PTPN21: variants seen among roughly 807,000 people sequenced by gnomAD.
PTPN21 encodes protein tyrosine phosphatase non-receptor type 21.
In PTPN21, 77 loss-of-function variants were observed where a neutral mutation model predicts 131.8. The ratio of observed to expected loss-of-function variants is 0.58; its 90% CI spans 0.49 to 0.71. The LOEUF is 0.71. PTPN21 is among the 30% of genes least tolerant of loss of function. The pLI, the probability that PTPN21 is intolerant of heterozygous loss-of-function variation, is 0.00. For missense variants in PTPN21, 1,552 were observed against 1,527.1 expected, an observed-to-expected ratio of 1.02 and a Z score of -0.27; for synonymous variants, 715 against 621.3, an observed-to-expected ratio of 1.15 and a Z score of -2.24.
intron 8 of PTPN21, among the ~76,000 whole-genome samples, chr14:88,497,872 G>A (rs1272736193): frequency 6.6e-6 from 1 of 151,994 alleles, no homozygotes; most frequent in Non-Finnish European, 1.5e-5. Context: ...GGCCGAGGCA[G>A]GTGGATCACC....
intron 2 of PTPN21, among the ~76,000 whole-genome samples, chr14:88,540,714 G>A (rs1429571217): frequency 2.0e-5 from 3 of 152,156 alleles, no homozygotes; most frequent in Admixed American, 6.5e-5. Flanking sequence ...CCAGGTTAGA[G>A]TGCAGTGGCA....
At chr14:88,477,801 G>C (rs988839585) in intron 13 of PTPN21, among the ~76,000 whole-genome samples, 1 of 152,132 alleles carries the variant, frequency 6.6e-6, no homozygotes, top group Non-Finnish European at 1.5e-5. Flanking sequence ...CTGGAAGCCT[G>C]AGCACTGCAA....
chr14:88,518,386 G>GTATATATATATATATATATATA (rs71126987), intron 2 of PTPN21, among the ~76,000 whole-genome samples: 2 of 9,704 alleles, frequency 2.1e-4, no homozygotes, highest in Non-Finnish European at 4.3e-4. Context: ...GTGTGTGTGT[G>GTATATATATATATATATATATA]TATATATATA....
intron 2 of PTPN21, among the ~76,000 whole-genome samples, chr14:88,522,354 G>A (rs2078407638): frequency 6.6e-6 from 1 of 150,694 alleles, no homozygotes. Flanking sequence ...CTTGAACCCA[G>A]GAGGTGGAAG....
chr14:88,479,246 G>T lies in PTPN21; in HGVS notation c.2185C>A (p.Pro729Thr). The change falls in exon 13 of 19, where the codon CCT becomes ACT. Residue 729 changes from proline (P) to threonine (T), a missense_variant. Around this residue, in one of 4 missense-constraint regions of PTPN21, gnomAD observed 1,016 missense variants for 883.5 expected, o/e 1.15. Coordinates refer to ENST00000556564, the MANE Select transcript of PTPN21 (RefSeq NM_007039.4). ...GGCCGAGGCTCGCGCGCACGTGCAG[G>T]AGGCGCCCGGGCCCCGCTCTCCTCC... Reference protein sequence around the residue: ...FEEESGARAPPARAREPRPGL... With the variant: ...FEEESGARAPTARAREPRPGL... 2 of 1,610,658 alleles carry T rather than the reference G, an allele frequency of 1.2e-6. No homozygotes were observed. The highest frequency in any genetic ancestry group is 1.7e-6 in the Non-Finnish European group (2 of 1,178,460).
At chr14:88,534,953 T>A (rs577886705) in intron 2 of PTPN21, among the ~76,000 whole-genome samples, 1 of 152,312 alleles carries the variant, frequency 6.6e-6, no homozygotes, top group South Asian at 2.1e-4. Context: ...AGTGTCCTAC[T>A]ACTATAGTGC....
chr14:88,509,216 A>C (rs1310497455), intron 3 of PTPN21, among the ~76,000 whole-genome samples: 2 of 152,086 alleles, frequency 1.3e-5, no homozygotes, highest in Non-Finnish European at 2.9e-5. Flanking sequence ...ACTGGGGTCT[A>C]TTATATGTTA....
In PTPN21 at chr14:88,496,285, G is replaced by A; in HGVS notation, c.932+128C>T. 8.8e-6 allele frequency: 7 copies of A among 794,062 alleles called. No homozygotes were observed. The South Asian group carries it at 1.4e-4, about 16-fold the overall frequency. The allele number at this position is 794,062 out of a possible 1,614,324, so 49.2% of individuals were successfully genotyped here. On this transcript the variant is annotated intron_variant, in intron 10 of 18. Transcript: ENST00000556564. Reference sequence around the variant, plus strand: ...ACAAGTTGGTCCAAAGCTAAAATAGGAAAACAGCTATAGGATCAAGAAAAG... The same window carrying A: ...ACAAGTTGGTCCAAAGCTAAAATAGAAAAACAGCTATAGGATCAAGAAAAG...
chr14:88,484,662 C>G (rs1864744), intron 12 of PTPN21, among the ~76,000 whole-genome samples: 56,807 of 151,934 alleles, frequency 0.37, 11,176 homozygotes, highest in African/African-American at 0.5. Flanking sequence ...CCAAATATAC[C>G]TGGATCATCT....
intron 12 of PTPN21, among the ~76,000 whole-genome samples, 165 bp downstream of exon 12, chr14:88,484,911 A>C (rs1022227257): frequency 8.5e-5 from 13 of 152,094 alleles, no homozygotes; most frequent in African/African-American, 3.1e-4. Context: ...AACAAACAAA[A>C]AACAATATAT....
Position 88,500,920 on chromosome 14 carries a change from G to C in PTPN21, c.676-49C>G, listed in dbSNP as rs139139017. 767 of 1,322,432 alleles carry C rather than the reference G, an allele frequency of 5.8e-4. 9 individuals are homozygous for C. In the African/African-American group the frequency reaches 9.5e-3, roughly 16 times the overall value. The allele number at this position is 1,322,432 out of a possible 1,614,324, so 81.9% of individuals were successfully genotyped here. A position where few individuals can be genotyped will look rare whatever the true frequency, so the allele number is the denominator to read the frequency against. On this transcript the variant is annotated intron_variant, in intron 7 of 18. Transcript: ENST00000556564. ...AAACACCCAGGAAGCAGATGCAGAG[G>C]AACTGCTGCTAGAGTTCCCTGGACT...
At chr14:88,485,881 C>G (rs753778960) in intron 10 of PTPN21, 39 bp from the exon 11 acceptor site, 1 of 1,267,608 alleles carries the variant, frequency 7.9e-7, no homozygotes, top group South Asian at 1.3e-5. Flanking sequence ...CACATACACA[C>G]TCTCTCTTAA....
intron 12 of PTPN21, among the ~76,000 whole-genome samples, chr14:88,482,999 T>C (rs1032605138): frequency 1.3e-5 from 2 of 151,730 alleles, no homozygotes; most frequent in Non-Finnish European, 2.9e-5. Flanking sequence ...GATTACGAGG[T>C]CAGGAGATCA....
At chr14:88,548,932 A>AC (rs1407271136) in intron 2 of PTPN21, among the ~76,000 whole-genome samples, 1 of 152,194 alleles carries the variant, frequency 6.6e-6, no homozygotes, top group Non-Finnish European at 1.5e-5. Context: ...AGAGCTTACA[A>AC]CCTTATGCTA....
intron 10 of PTPN21, among the ~76,000 whole-genome samples, chr14:88,492,171 A>G (rs61523530): frequency 0.037 from 5,618 of 152,354 alleles, 351 homozygotes; most frequent in African/African-American, 0.13. Context: ...GAGAAGAAAC[A>G]AACTGAGGTA....
intron 3 of PTPN21, among the ~76,000 whole-genome samples, chr14:88,516,060 T>TA (rs2078263954): frequency 5.9e-5 from 9 of 152,226 alleles, no homozygotes; most frequent in Admixed American, 5.9e-4. Flanking sequence ...ACCAGGTTCT[T>TA]ACTATCTGCA....
At chr14:88,539,583 A>T (rs2078677353) in intron 2 of PTPN21, among the ~76,000 whole-genome samples, 1 of 152,142 alleles carries the variant, frequency 6.6e-6, no homozygotes, top group African/African-American at 2.4e-5. Flanking sequence ...GTAAATAGAC[A>T]ATATCAACAC....
intron 8 of PTPN21, 128 bp downstream of exon 8, chr14:88,500,655 G>A: frequency 1.5e-6 from 1 of 659,318 alleles, no homozygotes; most frequent in Non-Finnish European, 2.7e-6. Context: ...TTCCTAGGAA[G>A]GGAATTATTT....
chr14:88,506,153 A>G (rs115759815), intron 4 of PTPN21, among the ~76,000 whole-genome samples: 3,072 of 152,190 alleles, frequency 0.02, 123 homozygotes, highest in African/African-American at 0.07. Flanking sequence ...CAGCCTAGCA[A>G]CATAGCAAGA....
Sources: gnomAD v4.1 joint callset for allele counts (sites outside exome capture counted in the v4.1 genomes callset) on GRCh38, gnomAD v4.1.1 for gene constraint, gnomAD v4.1.1 regional missense constraint, MANE v1.5 for transcripts, NCBI Gene and HGNC (gene_info 2026-07-23, HGNC 2026-07-21) for gene names.